ZFP36: variants seen among roughly 807,000 people sequenced by gnomAD.
ZFP36 encodes the protein ZFP36 zinc finger CCCH-type.
ZFP36 carries 13 observed loss-of-function variants against 19.8 expected under a neutral mutation model. That is an observed-to-expected ratio of 0.66 (90% CI 0.43 to 1.04). The LOEUF (loss-of-function observed/expected upper bound fraction) is 1.04. Ranked by LOEUF, ZFP36 falls within the 50% of genes least tolerant of loss-of-function variation. The pLI is 0.00. For missense variants in ZFP36, 354 were observed against 441.6 expected (o/e 0.80, Z 1.78); for synonymous variants, 191 against 194.5 (o/e 0.98, Z 0.15).
chr19:39,409,019 T>C lies in ZFP36; in HGVS notation c.*320T>C, dbSNP rs1392004071. Reference sequence around the variant, plus strand: ...CCCAAATCTGTCTCCTAGAATCTTATGTGCTGTGAATAATAGGCCTTCACT... The same window carrying C: ...CCCAAATCTGTCTCCTAGAATCTTACGTGCTGTGAATAATAGGCCTTCACT... On this transcript the variant is annotated 3_prime_UTR_variant, in exon 2 of 2. Coordinates refer to ENST00000597629, the MANE Select transcript of ZFP36 (RefSeq NM_003407.5). 3 of 224,188 alleles carry C rather than the reference T, an allele frequency of 1.3e-5. No homozygotes were observed. The highest frequency in any genetic ancestry group is 1.1e-4 in the South Asian group (1 of 8,946). 13.9% of individuals were successfully genotyped at this position (224,188 alleles called of 1,614,324 possible).
In ZFP36 at chr19:39,409,031, A is replaced by G. The variant is rs2078492576; in HGVS notation, c.*332A>G. Reference sequence around the variant, plus strand: ...TCCTAGAATCTTATGTGCTGTGAATAATAGGCCTTCACTGCCCCTCCAGTT... The same window carrying G: ...TCCTAGAATCTTATGTGCTGTGAATGATAGGCCTTCACTGCCCCTCCAGTT... On this transcript the variant is annotated 3_prime_UTR_variant, in exon 2 of 2. Transcript: ENST00000597629. The G allele has an allele frequency of 1.5e-5, 3 of 200,756 alleles. No individual in the cohort carries two copies. The highest frequency in any genetic ancestry group is 2.0e-5 in the Non-Finnish European group (2 of 99,686). 12.4% of individuals were successfully genotyped at this position (200,756 alleles called of 1,614,324 possible).
In ZFP36 at chr19:39,408,310, C is replaced by A. The variant is rs766256846; in HGVS notation, c.592C>A (p.Pro198Thr). 6 of 1,612,944 alleles carry A rather than the reference C, an allele frequency of 3.7e-6. No homozygotes were observed. The Admixed American group carries it at 8.3e-5, about 22-fold the overall frequency. ...SGLPSGRRTS[P>T]PPPGLAGPSL... Reference sequence around the variant, plus strand: ...CCTGCCCTCTGGCCGCCGGACCTCACCACCACCACCAGGCCTGGCCGGCCC... The same window carrying A: ...CCTGCCCTCTGGCCGCCGGACCTCAACACCACCACCAGGCCTGGCCGGCCC... Residue 198 changes from proline (P) to threonine (T), a missense_variant, in exon 2 of 2, where the codon CCA (proline) becomes ACA (threonine). Transcript: ENST00000597629. This position sits in a 1 kb window ranked among gnomAD's most constrained non-coding sequence, Gnocchi z 6.0.
rs759489277 is a variant in ZFP36 at position 39,406,890 on chromosome 19, G to A, written c.-15G>A. The stretch of plus-strand genomic sequence containing the variant: ...CCACTCTCGGCCGACACCCCTCATG[G>A]CCAACCGTTACACCATGGATCTGAC... On this transcript the variant is annotated 5_prime_UTR_variant, in exon 1 of 2. Transcript: ENST00000597629. 5.6e-6 allele frequency: 9 copies of A among 1,608,218 alleles called. No homozygotes were observed. Among genetic ancestry groups the A allele is most frequent in the Admixed American group, 3.4e-5 (2 of 59,462 alleles).
rs1158746947 is a variant in ZFP36, at chr19:39,407,737, C to G, written c.25-6C>G. On this transcript the variant is annotated splice_polypyrimidine_tract_variant and splice_region_variant and intron_variant, in intron 1 of 1. Transcript: ENST00000597629. The surrounding 1 kb of genome is among the most constrained non-coding windows in gnomAD (Gnocchi z 7.6). ...TTCAGGTGCCTTAACCGACCCATTTCCGCAGAGCCTCCTGTCGCTGAGCCC... is the reference window on the plus strand; with the variant it reads ...TTCAGGTGCCTTAACCGACCCATTTGCGCAGAGCCTCCTGTCGCTGAGCCC... The G allele has an allele frequency of 6.6e-7, 1 of 1,523,014 alleles. No homozygotes were observed. The allele number at this position is 1,523,014 out of a possible 1,614,324, so 94.3% of individuals were successfully genotyped here.
rs927953898 is a variant in ZFP36 at position 39,407,145 on chromosome 19, C to G, written c.24+217C>G. ...AACCCGCGACACCCGGCTCTTCGCT[C>G]AAACATGGGTGGGGCGGCCCATGCA... On this transcript the variant is annotated intron_variant, in intron 1 of 1. Coordinates refer to ENST00000597629, the MANE Select transcript of ZFP36 (RefSeq NM_003407.5). The surrounding 1 kb of genome is among the most constrained non-coding windows in gnomAD (Gnocchi z 7.6). 5 of 562,792 alleles carry G rather than the reference C, an allele frequency of 8.9e-6. No homozygotes were observed. Among genetic ancestry groups the G allele is most frequent in the Non-Finnish European group, 1.5e-5 (5 of 324,620 alleles). 34.9% of individuals were successfully genotyped at this position (562,792 alleles called of 1,614,324 possible).
chr19:39,407,910 C>T lies in ZFP36; in HGVS notation c.192C>T (p.Gly64=). The T allele has an allele frequency of 6.3e-7, 1 of 1,599,982 alleles. No homozygotes were observed. The highest frequency in any genetic ancestry group is 8.5e-7 in the Non-Finnish European group (1 of 1,177,070). ...LPGRSTSLVE[G]RSCGWVPPPP... is the part of the protein sequence containing the mutation. ...GCCGCTCCACCAGCCTAGTGGAGGG[C>T]CGCAGCTGTGGCTGGGTGCCCCCAC... is the stretch of plus-strand genomic sequence containing the variant. Residue 64 remains glycine, a synonymous_variant, in exon 2 of 2, where the codon GGC becomes GGT. Coordinates refer to ENST00000597629, the MANE Select transcript of ZFP36 (RefSeq NM_003407.5). The surrounding 1 kb of genome is among the most constrained non-coding windows in gnomAD (Gnocchi z 7.6).
rs886794901 is a variant in ZFP36, at chr19:39,406,941, C to T, written c.24+13C>T. On this transcript the variant is annotated intron_variant, in intron 1 of 1. Coordinates refer to ENST00000597629, the MANE Select transcript of ZFP36 (RefSeq NM_003407.5). ...TGCCATCTACGAGGTGAGTCCCCGC[C>T]GCACGGCATCCCCGGTACCTGCATG... is the stretch of plus-strand genomic sequence containing the variant. 1.9e-6 allele frequency: 3 copies of T among 1,611,354 alleles called. No individual in the cohort carries two copies. The highest frequency in any genetic ancestry group is 1.6e-4 in the Middle Eastern group (1 of 6,084).
At position 39,408,916 on chromosome 19, in the gene ZFP36, C is replaced by G. The variant is rs890655152; in HGVS notation, c.*217C>G. 2 of 442,772 alleles carry G rather than the reference C, an allele frequency of 4.5e-6. No individual in the cohort carries two copies. The highest frequency in any genetic ancestry group is 7.9e-6 in the Non-Finnish European group (2 of 254,108). 27.4% of individuals were successfully genotyped at this position (442,772 alleles called of 1,614,324 possible). A position where few individuals can be genotyped will look rare whatever the true frequency, so the allele number is the denominator to read the frequency against. On this transcript the variant is annotated 3_prime_UTR_variant, in exon 2 of 2. Coordinates refer to ENST00000597629, the MANE Select transcript of ZFP36 (RefSeq NM_003407.5). This position sits in a 1 kb window ranked among gnomAD's most constrained non-coding sequence, Gnocchi z 6.0. Reference sequence around the variant, plus strand: ...TTCATGATGGTGGGGGATGGAGTGTCTTCCGAGGTTCTTGGGGGAAAAAAA... The same window carrying G: ...TTCATGATGGTGGGGGATGGAGTGTGTTCCGAGGTTCTTGGGGGAAAAAAA...
At position 39,408,449 on chromosome 19, in the gene ZFP36, ACCCCACC is replaced by A. The variant is rs1568383516; in HGVS notation, c.734_740del (p.Pro245GlnfsTer119). On this transcript the variant is annotated frameshift_variant, in exon 2 of 2. Coordinates refer to ENST00000597629, the MANE Select transcript of ZFP36 (RefSeq NM_003407.5). LOFTEE classifies it high-confidence loss of function. The surrounding 1 kb of genome is among the most constrained non-coding windows in gnomAD (Gnocchi z 6.0). ...CCTGGCACCCCCCTGGCTCGAAGAG[ACCCCACC>A]CCAGTCTGTTGCCCCTCCTGCCGAA... The A allele has an allele frequency of 6.2e-7, 1 of 1,610,378 alleles. No homozygotes were observed. Among genetic ancestry groups the A allele is most frequent in the South Asian group, 1.1e-5 (1 of 90,744 alleles).
Position 39,407,649 on chromosome 19 carries a change from G to A in ZFP36, c.25-94G>A. On this transcript the variant is annotated intron_variant, in intron 1 of 1. Transcript: ENST00000597629. The surrounding 1 kb of genome is among the most constrained non-coding windows in gnomAD (Gnocchi z 7.6). ...CGGGCGGGTGGGGCTCAGGCGGGGA[G>A]CCCACAAACCGGCCTGGCAAGCTCT... 8.3e-7 allele frequency: 1 copy of A among 1,198,188 alleles called. No individual in the cohort carries two copies. The highest frequency in any genetic ancestry group is 1.1e-6 in the Non-Finnish European group (1 of 876,434). The allele number at this position is 1,198,188 out of a possible 1,614,324, so 74.2% of individuals were successfully genotyped here. A position where few individuals can be genotyped will look rare whatever the true frequency, so the allele number is the denominator to read the frequency against.
In ZFP36 at chr19:39,407,315, C is replaced by G. The variant is rs1420686023; in HGVS notation, c.24+387C>G. ...GCTGAAGTCTCAGGGTGGGGGGATC[C>G]GACTTCTGTCTCTCCAGTCCCTGAC... On this transcript the variant is annotated intron_variant, in intron 1 of 1. Transcript: ENST00000597629. This position sits in a 1 kb window ranked among gnomAD's most constrained non-coding sequence, Gnocchi z 7.6. 2.2e-6 allele frequency: 1 copy of G among 446,470 alleles called. No homozygotes were observed. Among genetic ancestry groups the G allele is most frequent in the Non-Finnish European group, 3.9e-6 (1 of 254,198 alleles). 27.7% of individuals were successfully genotyped at this position (446,470 alleles called of 1,614,324 possible).
intron 1 of ZFP36, 51 bp downstream of exon 1, chr19:39,406,979 TC>T: frequency 6.3e-7 from 1 of 1,598,510 alleles, no homozygotes; most frequent in Non-Finnish European, 8.5e-7. Flanking sequence ...TGAGTCCGAG[TC>T]CCCACCTCTC....
In ZFP36 at chr19:39,407,823, G is replaced by A. The variant is rs746729678; in HGVS notation, c.105G>A (p.Ser35=). The A allele has an allele frequency of 4.4e-6, 7 of 1,604,296 alleles. No individual in the cohort carries two copies. The highest frequency in any genetic ancestry group is 1.3e-5 in the African/African-American group (1 of 74,802). Residue 35 remains serine (S), a synonymous_variant, in exon 2 of 2, where the codon TCG becomes TCA. Transcript: ENST00000597629. The surrounding 1 kb of genome is among the most constrained non-coding windows in gnomAD (Gnocchi z 7.6). ...GTESSPGWGS[S]GPWSLSPSDS... ...AGTCCAGCCCAGGCTGGGGCTCCTCGGGACCCTGGAGCCTGAGCCCCTCCG... is the reference window on the plus strand; with the variant it reads ...AGTCCAGCCCAGGCTGGGGCTCCTCAGGACCCTGGAGCCTGAGCCCCTCCG...
At position 39,407,754 on chromosome 19, in the gene ZFP36, G is replaced by A; in HGVS notation, c.36G>A (p.Ser12=). Residue 12 remains serine, a synonymous_variant, in exon 2 of 2, where the codon TCG becomes TCA. Coordinates refer to ENST00000597629, the MANE Select transcript of ZFP36 (RefSeq NM_003407.5). The surrounding 1 kb of genome is among the most constrained non-coding windows in gnomAD (Gnocchi z 7.6). The stretch of plus-strand genomic sequence containing the variant: ...ACCCATTTCCGCAGAGCCTCCTGTC[G>A]CTGAGCCCTGACGTGCCCGTGCCAT... ...DLTAIYESLL[S]LSPDVPVPSD... The A allele has an allele frequency of 2.0e-6, 3 of 1,534,634 alleles. No individual in the cohort carries two copies. The highest frequency in any genetic ancestry group is 2.6e-6 in the Non-Finnish European group (3 of 1,146,168).
chr19:39,407,023 C>T lies in ZFP36; in HGVS notation c.24+95C>T, dbSNP rs2078481338. On this transcript the variant is annotated intron_variant, in intron 1 of 1. Coordinates refer to ENST00000597629, the MANE Select transcript of ZFP36 (RefSeq NM_003407.5). The surrounding 1 kb of genome is among the most constrained non-coding windows in gnomAD (Gnocchi z 7.6). Reference sequence around the variant, plus strand: ...GCAAACTCCAGCCCGGGACGCTTGCCTCCCTTCTCCAACTGGGGCTCCCTA... The same window carrying T: ...GCAAACTCCAGCCCGGGACGCTTGCTTCCCTTCTCCAACTGGGGCTCCCTA... 5.4e-6 allele frequency: 8 copies of T among 1,483,364 alleles called. No homozygotes were observed. Among genetic ancestry groups the T allele is most frequent in the Non-Finnish European group, 7.3e-6 (8 of 1,095,514 alleles). 91.9% of individuals were successfully genotyped at this position (1,483,364 alleles called of 1,614,324 possible).
Position 39,407,631 on chromosome 19 carries a change from G to T in ZFP36, c.25-112G>T. 1 of 980,264 alleles carries T rather than the reference G, an allele frequency of 1.0e-6. No individual in the cohort carries two copies. Among genetic ancestry groups the T allele is most frequent in the Admixed American group, 2.7e-5 (1 of 37,082 alleles). 60.7% of individuals were successfully genotyped at this position (980,264 alleles called of 1,614,324 possible). A position where few individuals can be genotyped will look rare whatever the true frequency, so the allele number is the denominator to read the frequency against. On this transcript the variant is annotated intron_variant, in intron 1 of 1. Transcript: ENST00000597629. The surrounding 1 kb of genome is among the most constrained non-coding windows in gnomAD (Gnocchi z 7.6). ...GGAACCCAGGGGTTTCTGCGGGCGG[G>T]TGGGGCTCAGGCGGGGAGCCCACAA...
In ZFP36 at chr19:39,408,360, G is replaced by C; in HGVS notation, c.642G>C (p.Ser214=). The C allele has an allele frequency of 6.2e-7, 1 of 1,613,396 alleles. No individual in the cohort carries two copies. Among genetic ancestry groups the C allele is most frequent in the Non-Finnish European group, 8.5e-7 (1 of 1,179,896 alleles). ...AGPSLSSSSF[S]PSSSPPPPGD... ...CTTCCCTGTCCTCCAGCTCCTTCTC[G>C]CCCTCCAGCTCCCCACCACCACCTG... Residue 214 remains serine, a synonymous_variant, in exon 2 of 2, where the codon TCG becomes TCC. Transcript: ENST00000597629. The surrounding 1 kb of genome is among the most constrained non-coding windows in gnomAD (Gnocchi z 6.0).
At position 39,407,980 on chromosome 19, in the gene ZFP36, TCA is replaced by T; in HGVS notation, c.264_265del (p.Pro89LeufsTer18). 1 of 1,607,966 alleles carries T rather than the reference TCA, an allele frequency of 6.2e-7. No homozygotes were observed. The highest frequency in any genetic ancestry group is 8.5e-7 in the Non-Finnish European group (1 of 1,179,204). The part of the protein sequence containing the change: ...PLAPRLGPEL[S>X]PSPTSPTATS... ...GGCTCCCCGCCTGGGCCCTGAGCTGTCACCCTCACCCACTTCGCCCACTGCAA... is the reference window on the plus strand; with the variant it reads ...GGCTCCCCGCCTGGGCCCTGAGCTGTCCCTCACCCACTTCGCCCACTGCAA... On this transcript the variant is annotated frameshift_variant, in exon 2 of 2. Coordinates refer to ENST00000597629, the MANE Select transcript of ZFP36 (RefSeq NM_003407.5). LOFTEE classifies it high-confidence loss of function. The surrounding 1 kb of genome is among the most constrained non-coding windows in gnomAD (Gnocchi z 7.6).
In ZFP36 at chr19:39,406,902, A is replaced by C; in HGVS notation, c.-3A>C. 1 of 1,610,086 alleles carries C rather than the reference A, an allele frequency of 6.2e-7. No homozygotes were observed. The highest frequency in any genetic ancestry group is 8.5e-7 in the Non-Finnish European group (1 of 1,178,922). On this transcript the variant is annotated 5_prime_UTR_variant, in exon 1 of 2. Transcript: ENST00000597629. Reference sequence around the variant, plus strand: ...GACACCCCTCATGGCCAACCGTTACACCATGGATCTGACTGCCATCTACGA... The same window carrying C: ...GACACCCCTCATGGCCAACCGTTACCCCATGGATCTGACTGCCATCTACGA...
Sources: gnomAD v4.1 joint callset for allele counts on GRCh38, gnomAD v4.1.1 for gene constraint, Gnocchi (gnomAD v3.1) non-coding constraint, MANE v1.5 for transcripts, NCBI Gene and HGNC (gene_info 2026-07-23, HGNC 2026-07-21) for gene names.